HHAT: variants seen among roughly 807,000 people sequenced by gnomAD.
HHAT encodes protein-cysteine N-palmitoyltransferase HHAT.
In HHAT, 47 loss-of-function variants were observed where a neutral mutation model predicts 70.8. That is an observed-to-expected ratio of 0.66 (90% CI 0.53 to 0.85). The LOEUF is 0.85. Ranked by LOEUF, HHAT falls within the 40% of genes least tolerant of loss-of-function variation. HHAT has a pLI of 0.00. For missense variants in HHAT, 609 were observed against 604.8 expected (o/e 1.01, Z -0.07); for synonymous variants, 228 against 247.6 (o/e 0.92, Z 0.74).
At chr1:210,529,783 G>T (rs2095294329) in intron 9 of HHAT, among the ~76,000 whole-genome samples, 2 of 152,218 alleles carry the variant, frequency 1.3e-5, no homozygotes, top group South Asian at 2.1e-4. Flanking sequence ...CCACAGTGCT[G>T]CCAGCGGTGT....
chr1:210,505,826 G>C (rs2094843609), intron 8 of HHAT, among the ~76,000 whole-genome samples: 1 of 152,202 alleles, frequency 6.6e-6, no homozygotes, highest in African/African-American at 2.4e-5. Flanking sequence ...GTCATGCTAA[G>C]TGGCCATGAC....
chr1:210,353,403 G>T (rs2103691), intron 2 of HHAT, among the ~76,000 whole-genome samples: 119,047 of 149,478 alleles, frequency 0.8, 48,251 homozygotes, highest in African/African-American at 0.95. Flanking sequence ...TTCCCATCAT[G>T]GAAAATCCCG....
chr1:210,628,082 T>C (rs1454821962), intron 11 of HHAT, among the ~76,000 whole-genome samples: 1 of 152,180 alleles, frequency 6.6e-6, no homozygotes, highest in Non-Finnish European at 1.5e-5. Flanking sequence ...CAAGGAGTTG[T>C]AACTCCAGAC....
intron 11 of HHAT, among the ~76,000 whole-genome samples, chr1:210,661,346 A>G (rs996248482): frequency 2.0e-5 from 3 of 152,254 alleles, no homozygotes; most frequent in African/African-American, 7.2e-5. Context: ...CAAAACCACA[A>G]TGAGATACCA....
At chr1:210,574,054 T>C (rs1226631292) in intron 9 of HHAT, among the ~76,000 whole-genome samples, 3 of 152,124 alleles carry the variant, frequency 2.0e-5, no homozygotes, top group African/African-American at 4.8e-5. Flanking sequence ...GTTGCAGATA[T>C]TGATGTAAGG....
At chr1:210,465,421 GT>G (rs1198162527) in intron 8 of HHAT, among the ~76,000 whole-genome samples, 1 of 152,190 alleles carries the variant, frequency 6.6e-6, no homozygotes, top group African/African-American at 2.4e-5. Flanking sequence ...ACAGGATTGA[GT>G]TTGCAATTGA....
At chr1:210,441,406 T>C (rs1206555413) in intron 7 of HHAT, among the ~76,000 whole-genome samples, 1 of 152,226 alleles carries the variant, frequency 6.6e-6, no homozygotes, top group Non-Finnish European at 1.5e-5. Flanking sequence ...GTCAAGTGTC[T>C]TTGCCAAAAG....
At chr1:210,347,063 C>T (rs1019906925) in intron 1 of HHAT, among the ~76,000 whole-genome samples, 1 of 152,156 alleles carries the variant, frequency 6.6e-6, no homozygotes, top group Non-Finnish European at 1.5e-5. Context: ...TAGCACTTTT[C>T]AAGAATATAA....
chr1:210,391,365 G>T (rs905814762), intron 4 of HHAT, among the ~76,000 whole-genome samples: 2 of 152,072 alleles, frequency 1.3e-5, no homozygotes, highest in Non-Finnish European at 2.9e-5. Context: ...TGTTGGCACA[G>T]ACAGAGATTT....
At chr1:210,562,150 G>A (rs2095628797) in intron 9 of HHAT, among the ~76,000 whole-genome samples, 1 of 152,114 alleles carries the variant, frequency 6.6e-6, no homozygotes. Context: ...TCAGTTTTAA[G>A]TAGCTGTTGA....
At chr1:210,602,067 G>A (rs928575288) in intron 10 of HHAT, among the ~76,000 whole-genome samples, 3 of 152,034 alleles carry the variant, frequency 2.0e-5, no homozygotes, top group Non-Finnish European at 4.4e-5. Flanking sequence ...AGGGGGAGCT[G>A]AGGAGGAGGA....
intron 7 of HHAT, among the ~76,000 whole-genome samples, chr1:210,441,096 C>T (rs556069874): frequency 1.4e-3 from 215 of 151,400 alleles, no homozygotes; most frequent in Non-Finnish European, 2.3e-3. Context: ...TGCGTGCTGC[C>T]ACTAATGTCA....
chr1:210,607,207 A>C (rs891598730), intron 10 of HHAT, among the ~76,000 whole-genome samples: 3 of 151,224 alleles, frequency 2.0e-5, no homozygotes, highest in African/African-American at 7.3e-5. Context: ...TCTCTTTAGC[A>C]TCTAGTATTT....
At chr1:210,397,269 A>G (rs2091840346) in intron 4 of HHAT, among the ~76,000 whole-genome samples, 1 of 152,228 alleles carries the variant, frequency 6.6e-6, no homozygotes, top group Non-Finnish European at 1.5e-5. Flanking sequence ...ACAATCCAAC[A>G]TTGAGGCCAT....
intron 9 of HHAT, among the ~76,000 whole-genome samples, chr1:210,542,294 T>G (rs2095438073): frequency 6.6e-6 from 1 of 152,126 alleles, no homozygotes; most frequent in Non-Finnish European, 1.5e-5. Flanking sequence ...TGCCCAAATT[T>G]CTTGCTGTCA....
chr1:210,457,842 A>T (rs997488357), intron 7 of HHAT, among the ~76,000 whole-genome samples: 1 of 152,094 alleles, frequency 6.6e-6, no homozygotes, highest in African/African-American at 2.4e-5. Context: ...GGTTCACTGG[A>T]CATGCTACTC....
intron 11 of HHAT, among the ~76,000 whole-genome samples, chr1:210,661,125 C>G (rs950610223): frequency 5.3e-5 from 8 of 152,168 alleles, no homozygotes; most frequent in Non-Finnish European, 1.2e-4. Flanking sequence ...TCAGAGTGAA[C>G]AGGCAACCTA....
At chr1:210,376,369 T>G (rs1010734110) in intron 3 of HHAT, among the ~76,000 whole-genome samples, 3 of 152,144 alleles carry the variant, frequency 2.0e-5, no homozygotes, top group Non-Finnish European at 4.4e-5. Context: ...CTTACATTCG[T>G]TTTATATGTT....
At chr1:210,432,628 T>C (rs2093277925) in intron 7 of HHAT, among the ~76,000 whole-genome samples, 1 of 151,944 alleles carries the variant, frequency 6.6e-6, no homozygotes, top group Admixed American at 6.5e-5. Context: ...TAGTCTTAGA[T>C]GGCCTTGCTA....
Sources: gnomAD v4.1 joint callset for allele counts (sites outside exome capture counted in the v4.1 genomes callset) on GRCh38, gnomAD v4.1.1 for gene constraint, MANE v1.5 for transcripts, NCBI Gene and HGNC (gene_info 2026-07-23, HGNC 2026-07-21) for gene names.